Variants in LIFR observed in about 807,000 individuals in gnomAD.
LIFR encodes LIF receptor subunit alpha, also known as leukemia inhibitory factor receptor.
Under a neutral mutation model 122.2 loss-of-function variants are expected in LIFR, and 84 were observed. The observed-to-expected ratio is 0.69, with a 90% CI of 0.58 to 0.82. The LOEUF is 0.82. Ranked by LOEUF, LIFR falls within the 40% of genes least tolerant of loss-of-function variation. LIFR has a pLI of 0.00. For missense variants in LIFR, 1,294 were observed against 1,311.6 expected (o/e 0.99, Z 0.21); for synonymous variants, 422 against 434.7 (o/e 0.97, Z 0.36).
rs1745064434 is a variant in LIFR at position 38,499,505 on chromosome 5, A to T, written c.1671+8T>A. On this transcript the variant is annotated splice_region_variant and intron_variant, in intron 12 of 19. Transcript: ENST00000453190. Reference sequence around the variant, plus strand: ...ATGTAAATGTTCACAGAAAAATTAGATATTTACCTTCCAATAGATTATTAA... The same window carrying T: ...ATGTAAATGTTCACAGAAAAATTAGTTATTTACCTTCCAATAGATTATTAA... 6.5e-7 allele frequency: 1 copy of T among 1,549,862 alleles called. No homozygotes were observed. The highest frequency in any genetic ancestry group is 1.4e-5 in the African/African-American group (1 of 73,628).
At chr5:38,558,495 G>A, upstream of LIFR, 1 of 152,126 alleles carries the variant, frequency 6.6e-6, no homozygotes, top group Non-Finnish European at 1.5e-5. Context: ...CACACTTAGG[G>A]GGTAATGCAG....
Position 38,547,386 on chromosome 5 carries a change from TA to T in LIFR, c.-20+8947del, listed in dbSNP as rs565720916. Among the ~76,000 whole-genome samples, 287 of 152,274 alleles carry T rather than the reference TA, an allele frequency of 1.9e-3. 3 individuals carry two copies. The highest frequency in any genetic ancestry group is 6.6e-3 in the African/African-American group (273 of 41,564). On this transcript the variant is annotated intron_variant, in intron 1 of 19. Transcript: ENST00000453190. Reference sequence around the variant, plus strand: ...TAATTTATTAAAGCAAAAAAAGAAGTAAAATGGTGACTTTGCTGTTGGTTAC... The same window carrying T: ...TAATTTATTAAAGCAAAAAAAGAAGTAAATGGTGACTTTGCTGTTGGTTAC...
intron 1 of LIFR, among the ~76,000 whole-genome samples, chr5:38,536,733 G>A (rs185843836): frequency 1.6e-4 from 24 of 152,188 alleles, no homozygotes; most frequent in East Asian, 1.2e-3. Context: ...AAAACACGAC[G>A]GGCACTGTGA....
intron 12 of LIFR, among the ~76,000 whole-genome samples, chr5:38,498,710 T>C (rs1443516022): frequency 6.6e-6 from 1 of 152,200 alleles, no homozygotes; most frequent in Non-Finnish European, 1.5e-5. Flanking sequence ...AATTGTATAA[T>C]CGTTGCTATA....
At chr5:38,541,967 CT>C (rs908757482) in intron 1 of LIFR, among the ~76,000 whole-genome samples, 2 of 152,150 alleles carry the variant, frequency 1.3e-5, no homozygotes, top group African/African-American at 4.8e-5. Flanking sequence ...AGAAGGACTA[CT>C]TTTTTGTCTT....
chr5:38,597,335 G>A (rs1419362221), upstream of LIFR, among the ~76,000 whole-genome samples: 1 of 152,216 alleles, frequency 6.6e-6, no homozygotes, highest in Non-Finnish European at 1.5e-5. Context: ...AGAGTTCAGT[G>A]TTACATAAAG....
At chr5:38,483,688 C>CA (rs1428815275) in intron 18 of LIFR, among the ~76,000 whole-genome samples, 2 of 152,200 alleles carry the variant, frequency 1.3e-5, no homozygotes, top group Admixed American at 1.3e-4. Context: ...CTTGGCCTCC[C>CA]AGAGTGTTGG....
chr5:38,487,659 A>G (rs1480786732), intron 16 of LIFR, among the ~76,000 whole-genome samples: 1 of 152,216 alleles, frequency 6.6e-6, no homozygotes, highest in Non-Finnish European at 1.5e-5. Context: ...TTCTTAAAGT[A>G]TCTTATTGTA....
At chr5:38,507,942 C>T (rs2112479933) in intron 7 of LIFR, among the ~76,000 whole-genome samples, 1 of 152,142 alleles carries the variant, frequency 6.6e-6, no homozygotes, top group East Asian at 1.9e-4. Flanking sequence ...AGTAAACAAA[C>T]ATTGACATAT....
intron 5 of LIFR, among the ~76,000 whole-genome samples, chr5:38,514,026 AT>A (rs1190087133): frequency 2.0e-5 from 3 of 152,276 alleles, no homozygotes; most frequent in Middle Eastern, 3.4e-3. Flanking sequence ...CATTAAAAAA[AT>A]AACATAAATC....
At chr5:38,593,046 T>G (rs1414195429) in intron 1 of LIFR, among the ~76,000 whole-genome samples, 2 of 151,650 alleles carry the variant, frequency 1.3e-5, no homozygotes, top group Non-Finnish European at 2.9e-5. Flanking sequence ...CTACTAAAAT[T>G]ACAAAAATTA....
intron 11 of LIFR, 136 bp from the exon 12 acceptor site, chr5:38,499,719 G>T (rs1580046503): frequency 1.4e-6 from 1 of 706,224 alleles, no homozygotes; most frequent in Non-Finnish European, 2.5e-6. Context: ...AGAAAATGAA[G>T]CAATGGAAAA....
At position 38,496,446 on chromosome 5, in the gene LIFR, T is replaced by G; in HGVS notation, c.1821A>C (p.Val607=). ...RLDKNDYIIS[V]VAKNSVGSSP... ...ATGAGCCCACAGAATTTTTAGCCAC[T>G]ACGCTGATGATGTAGTCATTCTTAT... Residue 607 remains valine, a synonymous_variant, in exon 13 of 20, where the codon GTA becomes GTC. Transcript: ENST00000453190. 1 of 1,614,186 alleles carries G rather than the reference T, an allele frequency of 6.2e-7. No homozygotes were observed. The highest frequency in any genetic ancestry group is 8.5e-7 in the Non-Finnish European group (1 of 1,179,976).
intron 19 of LIFR, 27 bp downstream of exon 19, chr5:38,482,562 G>A: frequency 1.7e-6 from 2 of 1,176,886 alleles, no homozygotes; most frequent in South Asian, 1.4e-5. Context: ...GCACATCAAA[G>A]ATAAATATAA....
chr5:38,494,443 C>T (rs11950157), intron 13 of LIFR, among the ~76,000 whole-genome samples: 5,015 of 137,716 alleles, frequency 0.036, 298 homozygotes, highest in East Asian at 0.3. Context: ...TCCTAGGAGA[C>T]ACCAAGGGGC....
chr5:38,586,518 T>C (rs991544165), intron 1 of LIFR, among the ~76,000 whole-genome samples: 1 of 152,216 alleles, frequency 6.6e-6, no homozygotes, highest in Non-Finnish European at 1.5e-5. Flanking sequence ...TGTAAGACTT[T>C]CATGTGGATT....
At chr5:38,546,771 A>G (rs1321922042) in intron 1 of LIFR, among the ~76,000 whole-genome samples, 1 of 152,232 alleles carries the variant, frequency 6.6e-6, no homozygotes, top group African/African-American at 2.4e-5. Flanking sequence ...CCATTTATGT[A>G]ACGTCCACTG....
intron 5 of LIFR, among the ~76,000 whole-genome samples, chr5:38,514,529 C>A (rs571273547): frequency 6.6e-6 from 1 of 152,294 alleles, no homozygotes; most frequent in East Asian, 1.9e-4. Flanking sequence ...AGTTCCAGTT[C>A]CTCTACAACT....
At chr5:38,488,542 TAA>T (rs1744408566) in intron 16 of LIFR, among the ~76,000 whole-genome samples, 2 of 152,224 alleles carry the variant, frequency 1.3e-5, no homozygotes, top group Non-Finnish European at 2.9e-5. Context: ...GAGAATTCTC[TAA>T]AGTCTTTGGA....
Sources: gnomAD v4.1 joint callset for allele counts (sites outside exome capture counted in the v4.1 genomes callset) on GRCh38, gnomAD v4.1.1 for gene constraint, MANE v1.5 for transcripts, NCBI Gene and HGNC (gene_info 2026-07-23, HGNC 2026-07-21) for gene names.